ARVCF: variants seen among roughly 807,000 people sequenced by gnomAD.
ARVCF encodes the protein ARVCF delta catenin family member, also known as splicing regulator ARVCF.
A neutral mutation model predicts 90.9 loss-of-function variants in ARVCF; 66 were observed. That is an observed-to-expected ratio of 0.73 (90% CI 0.60 to 0.89). The LOEUF is 0.89. Ranked by LOEUF, ARVCF falls within the 40% of genes least tolerant of loss-of-function variation. The pLI, the probability that ARVCF is intolerant of heterozygous loss-of-function variation, is 0.00. For synonymous variants in ARVCF, 653 were observed against 603.4 expected, an observed-to-expected ratio of 1.08 and a Z score of -1.21; for missense variants, 1,469 against 1,382.3, an observed-to-expected ratio of 1.06 and a Z score of -1.00.
chr22:19,981,652 C>A lies in ARVCF; in HGVS notation c.455G>T (p.Gly152Val). ...GPDGLPLLDG[G>V]PPLGPFADGA... ...ATCTGCAAAAGGGCCTAGTGGGGGG[C>A]CGCCATCCAGCAGGGGGAGTCCATC... Residue 152 changes from glycine (G) to valine (V), a missense_variant, in exon 5 of 20, where the codon GGC becomes GTC. Physicochemically the swap from Gly to Val is moderately radical, Grantham distance 109. Coordinates refer to ENST00000263207, the MANE Select transcript of ARVCF (RefSeq NM_001670.3). The A allele has an allele frequency of 6.2e-7, 1 of 1,609,318 alleles. No homozygotes were observed. Among genetic ancestry groups the A allele is most frequent in the Non-Finnish European group, 8.5e-7 (1 of 1,179,176 alleles).
At chr22:20,005,954 A>C (rs929016893) in intron 2 of ARVCF, among the ~76,000 whole-genome samples, 2 of 152,234 alleles carry the variant, frequency 1.3e-5, no homozygotes, top group Admixed American at 1.3e-4. Context: ...TATACAATGG[A>C]ATATCAGGCA....
downstream of ARVCF, chr22:19,967,634 G>T (rs9306235): frequency 3.2e-6 from 1 of 310,684 alleles, no homozygotes; most frequent in Non-Finnish European, 6.3e-6. Context: ...ATGTGGGGTC[G>T]GATACCAGTG....
At chr22:19,976,744 G>A (rs929188235) in intron 9 of ARVCF, 21 bp from the exon 10 acceptor site, 2 of 1,557,876 alleles carry the variant, frequency 1.3e-6, no homozygotes, top group South Asian at 1.2e-5. Flanking sequence ...GGAGGAAGCA[G>A]AGGAGAGAGG....
At chr22:19,981,090 T>C in intron 5 of ARVCF, 121 bp downstream of exon 5, 1 of 1,318,422 alleles carries the variant, frequency 7.6e-7, no homozygotes, top group African/African-American at 1.5e-5. Context: ...CCAAGGCCAA[T>C]TCAAACTAAC....
rs1443177105 is a variant in ARVCF at position 19,975,696 on chromosome 22, C to T, written c.1950G>A (p.Glu650=). The T allele has an allele frequency of 1.9e-6, 3 of 1,613,712 alleles. No individual in the cohort carries two copies. The highest frequency in any genetic ancestry group is 1.1e-5 in the South Asian group (1 of 91,074). Residue 650 remains glutamate, a synonymous_variant, in exon 11 of 20, where the codon GAG becomes GAA. Coordinates refer to ENST00000263207, the MANE Select transcript of ARVCF (RefSeq NM_001670.3). ...TCTCAGCCCACTCACCTTTGGCGGC[C>T]TCAGTTCGCTTGGGCAGGTCTAGCG... ...FDTLDLPKRT[E]AAKGFELLYQ...
intron 11 of ARVCF, among the ~76,000 whole-genome samples, chr22:19,974,750 G>A (rs2146260036): frequency 6.6e-6 from 1 of 151,948 alleles, no homozygotes; most frequent in Non-Finnish European, 1.5e-5. Flanking sequence ...CTCCCCCACT[G>A]ACAATAGAGC....
Position 19,981,434 on chromosome 22 carries a change from C to T in ARVCF, c.673G>A (p.Gly225Ser). The T allele has an allele frequency of 6.4e-7, 1 of 1,567,794 alleles. No individual in the cohort carries two copies. The highest frequency in any genetic ancestry group is 1.4e-5 in the African/African-American group (1 of 74,036). Residue 225 changes from glycine to serine, a missense_variant, in exon 5 of 20, where the codon GGC becomes AGC. Physicochemically the swap from Gly to Ser is moderately conservative, Grantham distance 56. Coordinates refer to ENST00000263207, the MANE Select transcript of ARVCF (RefSeq NM_001670.3). ...CGGTGGCCAGGCAGTGTGAAGCAGC[C>T]ATCACCAGGGCCTGGGCCAAGGGGG... ...AGPLGPGPGD[G>S]CFTLPGHREA...
At chr22:19,990,050 C>G (rs1322518494) in intron 3 of ARVCF, among the ~76,000 whole-genome samples, 3 of 152,206 alleles carry the variant, frequency 2.0e-5, no homozygotes, top group African/African-American at 7.2e-5. Context: ...TCACTGCATA[C>G]CCCAACTTTA....
chr22:19,972,599 AGGCAGAG>A, intron 16 of ARVCF, 131 bp downstream of exon 16: 3 of 1,155,162 alleles, frequency 2.6e-6, no homozygotes, highest in Non-Finnish European at 3.6e-6. Context: ...AGTAGCCAAG[AGGCAGAG>A]GGCAGGGAAA....
chr22:19,975,237 G>C (rs1419265599), intron 11 of ARVCF, among the ~76,000 whole-genome samples: 2 of 152,180 alleles, frequency 1.3e-5, no homozygotes, highest in East Asian at 3.9e-4. Context: ...CCAGATCCCA[G>C]CATACAGCCC....
At chr22:19,993,433 G>T (rs1416650757) in intron 2 of ARVCF, among the ~76,000 whole-genome samples, 2 of 152,276 alleles carry the variant, frequency 1.3e-5, no homozygotes, top group Admixed American at 6.5e-5. Context: ...GATCGATGGG[G>T]CCTGAGTGGA....
At chr22:19,968,458 G>A, downstream of ARVCF, 2 of 1,417,608 alleles carry the variant, frequency 1.4e-6, no homozygotes, top group Non-Finnish European at 2.0e-6. Flanking sequence ...GCCTAGTGAG[G>A]AGCACCCATC....
intron 2 of ARVCF, among the ~76,000 whole-genome samples, chr22:19,991,310 C>A (rs75661362): frequency 6.6e-6 from 1 of 152,232 alleles, no homozygotes; most frequent in Admixed American, 6.5e-5. Flanking sequence ...TGAGAAGCTG[C>A]TCCACTGATG....
downstream of ARVCF, chr22:19,969,374 T>C (rs1601551305): frequency 1.3e-5 from 2 of 152,882 alleles, no homozygotes; most frequent in African/African-American, 4.8e-5. Context: ...TGGCACAGAG[T>C]GGAAGCATCT....
At position 19,973,263 on chromosome 22, in the gene ARVCF, G is replaced by C; in HGVS notation, c.2294C>G (p.Pro765Arg). 1.2e-6 allele frequency: 2 copies of C among 1,608,658 alleles called. No homozygotes were observed. The highest frequency in any genetic ancestry group is 8.5e-7 in the Non-Finnish European group (1 of 1,178,808). Residue 765 changes from proline (P) to arginine (R), a missense_variant, in exon 14 of 20, where the codon CCG becomes CGG. Transcript: ENST00000263207. ...TTCCTCCAGGCAGGCCCCCGGTCGC[G>C]GCGGAGCCTGTGCATTGCGCACATT... ...VRNVRNAQAP[P>R]RPGACLEEDT...
intron 3 of ARVCF, chr22:19,986,830 G>A (rs1334871142): frequency 2.3e-6 from 1 of 428,304 alleles, no homozygotes; most frequent in Admixed American, 4.5e-5. Context: ...GACCCCCCCA[G>A]GCCCCGCGGA....
Position 19,981,663 on chromosome 22 carries a change from CA to C in ARVCF, c.443del (p.Leu148ArgfsTer8). 1.9e-6 allele frequency: 3 copies of C among 1,607,972 alleles called. No homozygotes were observed. Among genetic ancestry groups the C allele is most frequent in the Non-Finnish European group, 2.5e-6 (3 of 1,178,068 alleles). On this transcript the variant is annotated frameshift_variant, in exon 5 of 20. Transcript: ENST00000263207. LOFTEE classifies it high-confidence loss of function. ...QVPVGPDGLPLLDGGPPLGPF... is the reference protein window; with the variant it reads ...QVPVGPDGLPXLDGGPPLGPF... ...GGCCTAGTGGGGGGCCGCCATCCAG[CA>C]GGGGGAGTCCATCTGGGCCCACGGG...
chr22:19,971,092 T>C (rs1168788884), intron 19 of ARVCF, 124 bp downstream of exon 19: 2 of 1,491,606 alleles, frequency 1.3e-6, no homozygotes, highest in Non-Finnish European at 1.8e-6. Context: ...GCTGCTGGAC[T>C]GGAGGCCAAA....
At position 19,979,703 on chromosome 22, in the gene ARVCF, C is replaced by T. The variant is rs60067834; in HGVS notation, c.1396+40G>A. ...CTCCCGGGTTGAGCCTCACACTCTT[C>T]TCTTCCCAGGGGATGTGAGCATGGC... On this transcript the variant is annotated intron_variant, in intron 6 of 19. Coordinates refer to ENST00000263207, the MANE Select transcript of ARVCF (RefSeq NM_001670.3). The T allele has an allele frequency of 0.047, 72,455 of 1,551,620 alleles. 1,974 individuals are homozygous for T. Among genetic ancestry groups the T allele is most frequent in the South Asian group, 0.094 (7,752 of 82,636 alleles).
Sources: gnomAD v4.1 joint callset for allele counts (sites outside exome capture counted in the v4.1 genomes callset) on GRCh38, gnomAD v4.1.1 for gene constraint, MANE v1.5 for transcripts, NCBI Gene and HGNC (gene_info 2026-07-23, HGNC 2026-07-21) for gene names.